ZFP41: variants seen among roughly 807,000 people sequenced by gnomAD.
The protein encoded by ZFP41 is zinc finger protein 41 homolog.
Under a neutral mutation model 11.6 loss-of-function variants are expected in ZFP41, and 10 were observed. That is an observed-to-expected ratio of 0.86 (90% CI 0.53 to 1.47). The LOEUF (loss-of-function observed/expected upper bound fraction) is 1.47. Among genes scored for constraint, ZFP41 ranks in the 40% most tolerant of loss-of-function variants. ZFP41 has a pLI of 0.00. For missense variants in ZFP41, 302 were observed against 264.6 expected (o/e 1.14, Z -0.98); for synonymous variants, 123 against 100.9 (o/e 1.22, Z -1.31).
At chr8:143,258,052 A>C (rs1309068283) in intron 2 of ZFP41, among the ~76,000 whole-genome samples, 2 of 152,240 alleles carry the variant, frequency 1.3e-5, no homozygotes, top group Non-Finnish European at 2.9e-5. Context: ...CAGGCCAGGC[A>C]CGGTGGCTCA....
At position 143,262,526 on chromosome 8, in the gene ZFP41, G is replaced by A. The variant is rs1815071563; in HGVS notation, c.*3652G>A. ...TCCTTGGTAAGTGTCCTGTGCATCT[G>A]GGATAAGCATCCGTTTGTTTTCAGC... is the stretch of plus-strand genomic sequence containing the variant. On this transcript the variant is annotated 3_prime_UTR_variant, in exon 3 of 3. Transcript: ENST00000330701. 6.6e-6 allele frequency: 1 copy of A among 152,302 alleles called. No homozygotes were observed. Among genetic ancestry groups the A allele is most frequent in the African/African-American group, 2.4e-5 (1 of 41,448 alleles). 9.4% of individuals were successfully genotyped at this position (152,302 alleles called of 1,614,324 possible). A position where few individuals can be genotyped will look rare whatever the true frequency, so the allele number is the denominator to read the frequency against.
rs529099537 is a variant in ZFP41, at chr8:143,249,397, C to T, written c.-154-293C>T. ...GACTACGGCAGGAACCAGGGGGATT[C>T]GGGGGTGGAGGAGGGAAGCCGCAGG... On this transcript the variant is annotated intron_variant, in intron 1 of 2. Transcript: ENST00000330701. 1.9e-4 allele frequency: 31 copies of T among 161,980 alleles called. No individual in the cohort carries two copies. The South Asian group carries it at 3.5e-3, about 18-fold the overall frequency. 10.0% of individuals were successfully genotyped at this position (161,980 alleles called of 1,614,324 possible). A position where few individuals can be genotyped will look rare whatever the true frequency, so the allele number is the denominator to read the frequency against.
chr8:143,247,170 T>G (rs1816708514), intron 1 of ZFP41, 28 bp downstream of exon 1: 1 of 152,692 alleles, frequency 6.5e-6, no homozygotes, highest in Admixed American at 6.5e-5. Flanking sequence ...GCCTGCCGCC[T>G]CCGGCCCAGG....
Position 143,250,065 on chromosome 8 carries a change from G to C in ZFP41, c.222G>C (p.Gly74=). 6.2e-7 allele frequency: 1 copy of C among 1,614,148 alleles called. No homozygotes were observed. Among genetic ancestry groups the C allele is most frequent in the East Asian group, 2.2e-5 (1 of 44,876 alleles). ...CTTCATTTAAAGATGACTTTGAGGG[G>C]GTTCCCGTGTTCATTCCTTTTCAGA... ...FDASFKDDFE[G]VPVFIPFQRK... is the part of the protein sequence containing the mutation. Residue 74 remains glycine, a synonymous_variant, in exon 2 of 3, where the codon GGG becomes GGC. Transcript: ENST00000330701.
chr8:143,250,545 C>T lies in ZFP41; in HGVS notation c.*105C>T. On this transcript the variant is annotated 3_prime_UTR_variant, in exon 2 of 3. Transcript: ENST00000330701. ...TCTGATGGGGGCGCAGGGCCGTGCG[C>T]ACTGTGTTCCGTGCCCTGGGGACCC... 2.0e-6 allele frequency: 3 copies of T among 1,514,044 alleles called. No homozygotes were observed. The highest frequency in any genetic ancestry group is 2.7e-6 in the Non-Finnish European group (3 of 1,131,654). The allele number at this position is 1,514,044 out of a possible 1,614,324, so 93.8% of individuals were successfully genotyped here. A position where few individuals can be genotyped will look rare whatever the true frequency, so the allele number is the denominator to read the frequency against.
At chr8:143,254,715 C>T (rs1814866651) in intron 2 of ZFP41, among the ~76,000 whole-genome samples, 1 of 151,108 alleles carries the variant, frequency 6.6e-6, no homozygotes, top group East Asian at 1.9e-4. Flanking sequence ...TCACCACAAC[C>T]TCCACCTCCC....
intron 2 of ZFP41, among the ~76,000 whole-genome samples, chr8:143,256,536 AG>A (rs1814918040): frequency 6.6e-6 from 1 of 152,228 alleles, no homozygotes; most frequent in Admixed American, 6.5e-5. Flanking sequence ...TCCAAGGAAA[AG>A]ATGAGAGAGC....
intron 2 of ZFP41, among the ~76,000 whole-genome samples, chr8:143,251,737 A>C (rs770490054): frequency 6.6e-6 from 1 of 151,914 alleles, no homozygotes. Context: ...GGGTTAACAC[A>C]TTTTTCCTGC....
At chr8:143,248,146 A>G (rs974858940) in intron 1 of ZFP41, 4 of 151,974 alleles carry the variant, frequency 2.6e-5, no homozygotes, top group African/African-American at 9.7e-5. Flanking sequence ...GAAATATTTT[A>G]TTTCTCAGGG....
At chr8:143,254,430 G>A (rs906742057) in intron 2 of ZFP41, among the ~76,000 whole-genome samples, 2 of 152,130 alleles carry the variant, frequency 1.3e-5, no homozygotes, top group East Asian at 3.9e-4. Flanking sequence ...AAACCAGGGG[G>A]CGGGACAGGG....
intron 1 of ZFP41, chr8:143,249,076 G>A (rs2130703897): frequency 6.6e-6 from 1 of 152,388 alleles, no homozygotes; most frequent in South Asian, 2.1e-4. Flanking sequence ...TCAAACTCCA[G>A]CCTGGTTGAC....
chr8:143,261,476 A>C lies in ZFP41; in HGVS notation c.*2602A>C, dbSNP rs1008146223. On this transcript the variant is annotated 3_prime_UTR_variant, in exon 3 of 3. Transcript: ENST00000330701. Reference sequence around the variant, plus strand: ...CAGGGACGCAGGAAGGATGGGGTGAACTCCGGGATGGGGCCGGCAGGGAGC... The same window carrying C: ...CAGGGACGCAGGAAGGATGGGGTGACCTCCGGGATGGGGCCGGCAGGGAGC... The C allele has an allele frequency of 2.0e-5, 3 of 152,338 alleles. No individual in the cohort carries two copies. The highest frequency in any genetic ancestry group is 7.3e-5 in the African/African-American group (3 of 41,274). The allele number at this position is 152,338 out of a possible 1,614,324, so 9.4% of individuals were successfully genotyped here. A position where few individuals can be genotyped will look rare whatever the true frequency, so the allele number is the denominator to read the frequency against.
chr8:143,249,595 G>A, intron 1 of ZFP41, 95 bp from the exon 2 acceptor site: 1 of 478,140 alleles, frequency 2.1e-6, no homozygotes, highest in South Asian at 3.8e-5. Flanking sequence ...GACACTCTTG[G>A]GGGAACACAT....
rs200699856 is a variant in ZFP41, at chr8:143,250,417, C to T, written c.574C>T (p.Arg192Cys). The change falls in exon 2 of 3, where the codon CGC becomes TGC. Residue 192 changes from arginine (R) to cysteine (C), a missense_variant. Physicochemically the swap from Arg to Cys is radical, Grantham distance 180 (BLOSUM62 -3). Transcript: ENST00000330701. ...YSSCLIRHQK[R>C]HPRKKP is the part of the protein sequence containing the mutation. ...CTCCTGTCTCATCCGCCATCAGAAACGCCACCCTCGGAAGAAGCCCTGAGC... is the reference window on the plus strand; with the variant it reads ...CTCCTGTCTCATCCGCCATCAGAAATGCCACCCTCGGAAGAAGCCCTGAGC... The T allele has an allele frequency of 1.2e-4, 192 of 1,611,326 alleles. No individual in the cohort carries two copies. Among genetic ancestry groups the T allele is most frequent in the Non-Finnish European group, 1.5e-4 (180 of 1,178,322 alleles).
intron 2 of ZFP41, 26 bp from the exon 3 acceptor site, chr8:143,259,749 C>G (rs1358080265): frequency 6.6e-6 from 1 of 152,238 alleles, no homozygotes; most frequent in Non-Finnish European, 1.5e-5. Context: ...CTCATGTATT[C>G]AGAAGATATT....
intron 2 of ZFP41, among the ~76,000 whole-genome samples, chr8:143,255,064 A>AG (rs1346919389): frequency 7.2e-5 from 11 of 152,336 alleles, no homozygotes; most frequent in African/African-American, 2.6e-4. Flanking sequence ...ATGCCCACAG[A>AG]GACGCCTGCA....
In ZFP41 at chr8:143,250,475, C is replaced by T. The variant is rs373082877; in HGVS notation, c.*35C>T. Reference sequence around the variant, plus strand: ...ATCTGCGGACTCGGGCCCTGCGGTGCGAGCCTCGCCGGACACCTGCTCCGT... The same window carrying T: ...ATCTGCGGACTCGGGCCCTGCGGTGTGAGCCTCGCCGGACACCTGCTCCGT... On this transcript the variant is annotated 3_prime_UTR_variant, in exon 2 of 3. Transcript: ENST00000330701. The T allele has an allele frequency of 8.1e-5, 128 of 1,585,072 alleles. No homozygotes were observed. Among genetic ancestry groups the T allele is most frequent in the South Asian group, 2.8e-4 (25 of 87,794 alleles).
Position 143,247,070 on chromosome 8 carries a change from G to T in ZFP41, c.-227G>T, listed in dbSNP as rs1816706192. ...GGCGCGCGCCTCTCCCCGCCCTCCA[G>T]CAGTCCTGGTAGGGCCCGGGCGCGT... On this transcript the variant is annotated 5_prime_UTR_variant, in exon 1 of 3. Transcript: ENST00000330701. 6.6e-6 allele frequency: 1 copy of T among 152,578 alleles called. No individual in the cohort carries two copies. The highest frequency in any genetic ancestry group is 6.5e-5 in the Admixed American group (1 of 15,294). The allele number at this position is 152,578 out of a possible 1,614,324, so 9.5% of individuals were successfully genotyped here. A position where few individuals can be genotyped will look rare whatever the true frequency, so the allele number is the denominator to read the frequency against.
At chr8:143,257,240 C>G (rs941051364) in intron 2 of ZFP41, among the ~76,000 whole-genome samples, 1 of 152,332 alleles carries the variant, frequency 6.6e-6, no homozygotes, top group African/African-American at 2.4e-5. Context: ...GCCTATAATC[C>G]CAGCACTTTG....
Sources: allele counts gnomAD v4.1 joint callset (sites outside exome capture counted in the v4.1 genomes callset), GRCh38; gene constraint gnomAD v4.1.1; transcripts MANE v1.5; gene names NCBI Gene and HGNC (gene_info 2026-07-23, HGNC 2026-07-21).